Variants in TTC6 observed in about 807,000 individuals in gnomAD.
The protein encoded by TTC6 is tetratricopeptide repeat domain 6, also known as tetratricopeptide repeat protein 6.
TTC6 carries 172 observed loss-of-function variants against 210.4 expected under a neutral mutation model. The observed-to-expected ratio is 0.82, with a 90% CI of 0.72 to 0.93. The LOEUF is 0.93. Among genes scored for constraint, TTC6 ranks in the 40% least tolerant of loss-of-function variants. TTC6 has a pLI of 0.00. For synonymous variants in TTC6, 804 were observed against 819.6 expected, an observed-to-expected ratio of 0.98 and a Z score of 0.32; for missense variants, 2,414 against 2,318.1, an observed-to-expected ratio of 1.04 and a Z score of -0.85.
intron 1 of TTC6, among the ~76,000 whole-genome samples, chr14:37,644,009 G>A (rs2095697129): frequency 6.6e-6 from 1 of 152,112 alleles, no homozygotes; most frequent in Non-Finnish European, 1.5e-5. Context: ...TAAGTGAAAA[G>A]GCTTATTAAA....
rs982356749 is a variant in TTC6, at chr14:37,701,629, C to T, written c.1571+103C>T. The T allele has an allele frequency of 5.4e-6, 6 of 1,111,322 alleles. No homozygotes were observed. The African/African-American group carries it at 7.9e-5, about 15-fold the overall frequency. The allele number at this position is 1,111,322 out of a possible 1,614,324, so 68.8% of individuals were successfully genotyped here. A position where few individuals can be genotyped will look rare whatever the true frequency, so the allele number is the denominator to read the frequency against. On this transcript the variant is annotated intron_variant, in intron 5 of 30. Transcript: ENST00000553443. ...TTAAAGACTTGATTCTGTTCTTGGA[C>T]ACTAAAGAGGAGGGAGCAGTTTTTG... is the stretch of plus-strand genomic sequence containing the variant.
chr14:37,721,885 TAC>T (rs1216080766), intron 6 of TTC6, among the ~76,000 whole-genome samples: 5 of 143,608 alleles, frequency 3.5e-5, no homozygotes, highest in South Asian at 2.2e-4. Context: ...TATGTATATA[TAC>T]ACACACACAT....
rs370736615 is a variant in TTC6 at position 37,759,242 on chromosome 14, G to A, written c.3266+6007G>A. On this transcript the variant is annotated intron_variant, in intron 14 of 30. Coordinates refer to ENST00000553443, the Ensembl canonical transcript of TTC6. Reference sequence around the variant, plus strand: ...CGCACCACTGTACTACAGCCTGGGCGAAATAGCCAGACTCCATCTCAAAAA... The same window carrying A: ...CGCACCACTGTACTACAGCCTGGGCAAAATAGCCAGACTCCATCTCAAAAA... Among the ~76,000 whole-genome samples the A allele has an allele frequency of 3.3e-4, 47 of 140,880 alleles. No homozygotes were observed. In the East Asian group the frequency reaches 5.9e-3, roughly 18 times the overall value. 92.4% of individuals were successfully genotyped at this position (140,880 alleles called of 152,430 possible). A position where few individuals can be genotyped will look rare whatever the true frequency, so the allele number is the denominator to read the frequency against.
intron 26 of TTC6, among the ~76,000 whole-genome samples, chr14:37,823,362 T>C (rs148019080): frequency 7.8e-4 from 118 of 152,256 alleles, no homozygotes; most frequent in African/African-American, 2.8e-3. Context: ...ATAAATAAGT[T>C]TAATTTAATT....
chr14:37,819,893 C>T (rs1431954497), intron 26 of TTC6, among the ~76,000 whole-genome samples: 1 of 152,132 alleles, frequency 6.6e-6, no homozygotes, highest in South Asian at 2.1e-4. Flanking sequence ...GTTCACAGAA[C>T]GTCGTAAGTA....
chr14:37,599,416 G>A (rs2095610937), intron 1 of TTC6, among the ~76,000 whole-genome samples: 1 of 152,206 alleles, frequency 6.6e-6, no homozygotes, highest in African/African-American at 2.4e-5. Context: ...CTGTGTGTGC[G>A]TGTGCTTGTG....
At chr14:37,813,093 C>T (rs2139441634) in intron 25 of TTC6, among the ~76,000 whole-genome samples, 1 of 152,032 alleles carries the variant, frequency 6.6e-6, no homozygotes, top group Admixed American at 6.6e-5. Flanking sequence ...TAAATAATAA[C>T]AGTTTTGCTT....
chr14:37,622,935 G>A (rs918602106), exon 1 of TTC6: 1 of 1,532,436 alleles, frequency 6.5e-7, no homozygotes. Flanking sequence ...GGCCCAGCTG[G>A]CCTCCGACCA....
At chr14:37,836,206 T>C (rs879389403) in intron 29 of TTC6, among the ~76,000 whole-genome samples, 5 of 152,184 alleles carry the variant, frequency 3.3e-5, no homozygotes, top group Admixed American at 6.5e-5. Flanking sequence ...ACCATAACTT[T>C]CTCTTTCTTA....
intron 29 of TTC6, among the ~76,000 whole-genome samples, chr14:37,836,009 T>C (rs900603448): frequency 1.3e-5 from 2 of 152,120 alleles, no homozygotes; most frequent in Non-Finnish European, 2.9e-5. Context: ...AAACCCTCCT[T>C]CTTTCTTCTG....
intron 1 of TTC6, among the ~76,000 whole-genome samples, chr14:37,670,981 C>T (rs1342230282): frequency 6.6e-6 from 1 of 152,124 alleles, no homozygotes; most frequent in African/African-American, 2.4e-5. Flanking sequence ...TATTTCTGTG[C>T]AACAAATCAC....
exon 30 of TTC6, chr14:37,841,457 T>G (rs765194224): frequency 6.3e-7 from 1 of 1,588,330 alleles, no homozygotes; most frequent in East Asian, 2.3e-5. Flanking sequence ...CAGTGACTAC[T>G]TCTCAAAAGC....
At chr14:37,804,175 G>A (rs1309419170) in intron 20 of TTC6, among the ~76,000 whole-genome samples, 1 of 152,110 alleles carries the variant, frequency 6.6e-6, no homozygotes, top group African/African-American at 2.4e-5. Flanking sequence ...AAATGGTTGA[G>A]TTTTGGAGGT....
intron 14 of TTC6, among the ~76,000 whole-genome samples, chr14:37,787,191 TACG>T (rs1170387899): frequency 6.6e-6 from 1 of 152,216 alleles, no homozygotes; most frequent in African/African-American, 2.4e-5. Context: ...TTTATTGACA[TACG>T]TCCTTGATAA....
chr14:37,704,450 A>G (rs1263498165), intron 5 of TTC6, among the ~76,000 whole-genome samples: 1 of 151,476 alleles, frequency 6.6e-6, no homozygotes, highest in African/African-American at 2.4e-5. Context: ...TATGATTGTT[A>G]CTCTTTTTGA....
At chr14:37,722,299 A>G (rs1295405750) in intron 6 of TTC6, among the ~76,000 whole-genome samples, 1 of 152,090 alleles carries the variant, frequency 6.6e-6, no homozygotes, top group African/African-American at 2.4e-5. Context: ...GTTGCTTCTA[A>G]TATTTTCCTA....
At chr14:37,659,577 G>A (rs2095732643) in intron 1 of TTC6, among the ~76,000 whole-genome samples, 1 of 151,700 alleles carries the variant, frequency 6.6e-6, no homozygotes, top group Non-Finnish European at 1.5e-5. Context: ...GCCCAGGCTG[G>A]AGTGCAATGG....
exon 19 of TTC6, chr14:37,796,363 G>T: frequency 8.4e-7 from 1 of 1,184,262 alleles, no homozygotes; most frequent in South Asian, 1.4e-5. Flanking sequence ...TAGCAGAAAT[G>T]GACAAAGGTA....
intron 1 of TTC6, among the ~76,000 whole-genome samples, chr14:37,628,137 A>G (rs2095663521): frequency 1.3e-5 from 2 of 152,126 alleles, no homozygotes; most frequent in Non-Finnish European, 2.9e-5. Context: ...CGCCTGGCTA[A>G]CTTTGTATTT....
Sources: allele counts gnomAD v4.1 joint callset (sites outside exome capture counted in the v4.1 genomes callset), GRCh38; gene constraint gnomAD v4.1.1; transcripts MANE v1.5; gene names NCBI Gene and HGNC (gene_info 2026-07-23, HGNC 2026-07-21).